The following PCDHGA8 variants were observed in gnomAD, a reference collection of about 807,000 sequenced individuals.
PCDHGA8 encodes the protein protocadherin gamma subfamily A, 8, also known as protocadherin gamma-A8.
A neutral mutation model predicts 59.2 loss-of-function variants in PCDHGA8; 45 were observed. The ratio of observed to expected loss-of-function variants is 0.76; its 90% CI spans 0.60 to 0.98. The LOEUF is 0.98. Among genes scored for constraint, PCDHGA8 ranks in the 50% least tolerant of loss-of-function variants. PCDHGA8 has a pLI of 0.00. For synonymous variants in PCDHGA8, 531 were observed against 519.0 expected (o/e 1.02, Z -0.32); for missense variants, 1,257 against 1,196.2 (o/e 1.05, Z -0.75).
intron 1 of PCDHGA8, chr5:141,399,883 A>C: frequency 6.2e-7 from 1 of 1,612,718 alleles, no homozygotes; most frequent in South Asian, 1.1e-5. Flanking sequence ...CCTGGTGACC[A>C]AGGTAGTGGC....
intron 2 of PCDHGA8, among the ~76,000 whole-genome samples, chr5:141,500,695 T>G (rs1214079801): frequency 1.3e-5 from 2 of 152,214 alleles, no homozygotes; most frequent in Admixed American, 6.5e-5. Flanking sequence ...TTTTTCTTCT[T>G]TGCAGTGTAT....
chr5:141,462,462 T>G (rs570804965), intron 1 of PCDHGA8, among the ~76,000 whole-genome samples: 1 of 152,346 alleles, frequency 6.6e-6, no homozygotes, highest in Middle Eastern at 3.4e-3. Flanking sequence ...CTGAAAACTG[T>G]GTATTCTGCT....
At chr5:141,474,965 A>G (rs1268347441) in intron 1 of PCDHGA8, among the ~76,000 whole-genome samples, 1 of 152,236 alleles carries the variant, frequency 6.6e-6, no homozygotes, top group Non-Finnish European at 1.5e-5. Context: ...TATCCTAATC[A>G]TTATAATTTT....
intron 1 of PCDHGA8, chr5:141,410,847 G>GTTTTTT (rs773839667): frequency 6.3e-5 from 10 of 158,328 alleles, no homozygotes; most frequent in Admixed American, 1.8e-4. Flanking sequence ...TTTTGTCTTT[G>GTTTTTT]TCTTTTTTTT....
intron 2 of PCDHGA8, 76 bp from the exon 3 acceptor site, chr5:141,505,317 G>T: frequency 6.2e-7 from 1 of 1,603,092 alleles, no homozygotes. Flanking sequence ...AGGTTTGGGA[G>T]CCCTGGGAGA....
intron 1 of PCDHGA8, chr5:141,426,675 C>T: frequency 2.3e-6 from 1 of 431,942 alleles, no homozygotes; most frequent in South Asian, 1.6e-5. Flanking sequence ...TAACCCACCT[C>T]ATTTTCCCCA....
At chr5:141,421,844 A>C (rs1261967247) in intron 1 of PCDHGA8, 2 of 1,613,740 alleles carry the variant, frequency 1.2e-6, no homozygotes, top group East Asian at 4.5e-5. Context: ...CGAGAGAAAG[A>C]GGCTGCTCAC....
intron 1 of PCDHGA8, chr5:141,412,079 T>C (rs148830663): frequency 3.3e-4 from 50 of 152,342 alleles, no homozygotes; most frequent in African/African-American, 1.1e-3. Context: ...GAACAATTGC[T>C]ACTGGGTTGA....
chr5:141,404,680 G>C, intron 1 of PCDHGA8: 1 of 1,614,160 alleles, frequency 6.2e-7, no homozygotes, highest in East Asian at 2.2e-5. Context: ...CTGGTGTGGA[G>C]CTGGCACCCC....
chr5:141,415,657 G>A, intron 1 of PCDHGA8: 1 of 1,576,236 alleles, frequency 6.3e-7, no homozygotes, highest in Non-Finnish European at 8.6e-7. Flanking sequence ...AAAAAAGATT[G>A]GTTTTTACTT....
intron 1 of PCDHGA8, chr5:141,427,254 G>A (rs1013561568): frequency 1.8e-5 from 8 of 456,644 alleles, no homozygotes; most frequent in Non-Finnish European, 2.6e-5. Flanking sequence ...GGATGGTGGA[G>A]GCATGACCAG....
chr5:141,472,486 G>A (rs1300618918), intron 1 of PCDHGA8, among the ~76,000 whole-genome samples: 1 of 152,050 alleles, frequency 6.6e-6, no homozygotes, highest in Non-Finnish European at 1.5e-5. Flanking sequence ...CTTGCAGTGA[G>A]ACGAGATCGT....
intron 1 of PCDHGA8, among the ~76,000 whole-genome samples, chr5:141,405,806 C>T (rs2094720612): frequency 6.8e-6 from 1 of 146,048 alleles, no homozygotes. Context: ...TTAGCTTTCT[C>T]TTTAACTGTC....
intron 1 of PCDHGA8, among the ~76,000 whole-genome samples, chr5:141,406,639 A>G (rs1301755864): frequency 6.6e-6 from 1 of 152,208 alleles, no homozygotes; most frequent in Non-Finnish European, 1.5e-5. Flanking sequence ...AAAGGTCTTA[A>G]TTTCCTAATG....
At chr5:141,499,625 C>A (rs1238895570) in intron 2 of PCDHGA8, among the ~76,000 whole-genome samples, 1 of 149,832 alleles carries the variant, frequency 6.7e-6, no homozygotes, top group East Asian at 2.0e-4. Flanking sequence ...TCCTTGGATT[C>A]TTTTGAAGCA....
intron 1 of PCDHGA8, chr5:141,424,104 A>G (rs1049098128): frequency 6.2e-6 from 5 of 812,458 alleles, no homozygotes; most frequent in Non-Finnish European, 6.1e-6. Flanking sequence ...ATTACTGCTA[A>G]TGTTCAAATT....
At chr5:141,481,180 T>C (rs1354907506) in intron 1 of PCDHGA8, among the ~76,000 whole-genome samples, 1 of 152,236 alleles carries the variant, frequency 6.6e-6, no homozygotes, top group Admixed American at 6.5e-5. Flanking sequence ...CCAGCTTTAT[T>C]GGGCCAGGCC....
At chr5:141,409,734 G>A in intron 1 of PCDHGA8, 1 of 1,613,144 alleles carries the variant, frequency 6.2e-7, no homozygotes, top group East Asian at 2.2e-5. Flanking sequence ...AGCGCGCAGA[G>A]CGGGGTGGTG....
intron 1 of PCDHGA8, among the ~76,000 whole-genome samples, chr5:141,461,148 A>G (rs1293565790): frequency 1.3e-5 from 2 of 152,090 alleles, no homozygotes; most frequent in Non-Finnish European, 2.9e-5. Context: ...CTTTGGGTAG[A>G]TACCCAATAG....
Sources: gnomAD v4.1 joint callset for allele counts (sites outside exome capture counted in the v4.1 genomes callset) on GRCh38, gnomAD v4.1.1 for gene constraint, MANE v1.5 for transcripts, NCBI Gene and HGNC (gene_info 2026-07-23, HGNC 2026-07-21) for gene names.